BST1: variants seen among roughly 807,000 people sequenced by gnomAD.
BST1 encodes ADP-ribosyl cyclase/cyclic ADP-ribose hydrolase 2.
BST1 carries 49 observed loss-of-function variants against 40.6 expected under a neutral mutation model. The observed-to-expected ratio is 1.21, with a 90% confidence interval of 0.96 to 1.53. The LOEUF is 1.53. Among genes scored for constraint, BST1 ranks in the 40% most tolerant of loss-of-function variants. The pLI is 0.00. For synonymous variants in BST1, 157 were observed against 159.3 expected (o/e 0.99, Z 0.11); for missense variants, 423 against 395.9 (o/e 1.07, Z -0.58).
At chr4:15,766,730 G>A in the BST1 span, among the ~76,000 whole-genome samples, 6 of 142,748 alleles carry the variant, frequency 4.2e-5, no homozygotes, top group Non-Finnish European at 6.0e-5. Context: ...TCTTCTTTTC[G>A]TGATGGTATC....
chr4:15,746,307 T>C, the BST1 span, among the ~76,000 whole-genome samples: 14 of 152,174 alleles, frequency 9.2e-5, no homozygotes, highest in African/African-American at 2.7e-4. Context: ...TCTCTAAGGG[T>C]GGTTCCAAGC....
At chr4:15,736,719 A>T (rs1391358331), downstream of BST1, among the ~76,000 whole-genome samples, 1 of 152,192 alleles carries the variant, frequency 6.6e-6, no homozygotes, top group East Asian at 1.9e-4. Flanking sequence ...ACCTTCTCTC[A>T]GTTCCGTATT....
In BST1 at chr4:15,711,900, G is replaced by A. The variant is rs775892991; in HGVS notation, c.534+11G>A. On this transcript the variant is annotated intron_variant, in intron 4 of 8. Transcript: ENST00000265016. The stretch of plus-strand genomic sequence containing the variant: ...AGGGCATCCATCCAGGTAATGCTGG[G>A]ATGATATCTGAGTGGTTGAGCATGT... 6.2e-7 allele frequency: 1 copy of A among 1,608,284 alleles called. No individual in the cohort carries two copies. Among genetic ancestry groups the A allele is most frequent in the East Asian group, 2.2e-5 (1 of 44,854 alleles).
At chr4:15,738,108 A>C (rs1346886601) in exon 7 of BST1, 1 of 229,350 alleles carries the variant, frequency 4.4e-6, no homozygotes, top group Non-Finnish European at 9.0e-6. Flanking sequence ...GGTAAACTAC[A>C]GAGGCTGGGT....
At chr4:15,752,743 G>A in the BST1 span, among the ~76,000 whole-genome samples, 2 of 152,074 alleles carry the variant, frequency 1.3e-5, no homozygotes, top group Non-Finnish European at 2.9e-5. Context: ...TTGAGGAACG[G>A]CAAGGAGGCC....
At chr4:15,764,569 T>TG in the BST1 span, among the ~76,000 whole-genome samples, 1 of 152,006 alleles carries the variant, frequency 6.6e-6, no homozygotes, top group Non-Finnish European at 1.5e-5. Flanking sequence ...ATGGCTCATA[T>TG]ATAAACTTTG....
At chr4:15,708,644 C>T (rs1047073505) in intron 3 of BST1, among the ~76,000 whole-genome samples, 9 of 151,926 alleles carry the variant, frequency 5.9e-5, no homozygotes, top group African/African-American at 2.4e-5. Flanking sequence ...TTTGGGAGGC[C>T]GAGGTGGGTG....
In BST1 at chr4:15,707,566, G is replaced by T. The variant is rs777458820; in HGVS notation, c.371G>T (p.Arg124Leu). The T allele has an allele frequency of 2.5e-6, 4 of 1,612,776 alleles. No individual in the cohort carries two copies. The highest frequency in any genetic ancestry group is 2.2e-5 in the South Asian group (2 of 91,022). The change falls in exon 3 of 9, where the codon CGT becomes CTT. Residue 124 changes from arginine (R) to leucine (L), a missense_variant. Transcript: ENST00000265016. ...GTTAACAGCTTTGCAGACAACACCC[G>T]TCGTTTTATGCCCCTGAGCGATGTT... is the stretch of plus-strand genomic sequence containing the variant. ...LLVNSFADNT[R>L]RFMPLSDVLY...
the BST1 span, among the ~76,000 whole-genome samples, chr4:15,767,095 G>T: frequency 1.3e-5 from 2 of 150,964 alleles, no homozygotes; most frequent in African/African-American, 5.0e-5. Context: ...CAGAGCCGAA[G>T]CCTAAAAAGA....
chr4:15,722,960 G>A (rs373444765), intron 8 of BST1, 26 bp downstream of exon 8: 30 of 1,605,750 alleles, frequency 1.9e-5, no homozygotes, highest in East Asian at 6.7e-5. Context: ...AACCCAAATC[G>A]TTCTTTCCAA....
the BST1 span, among the ~76,000 whole-genome samples, chr4:15,758,241 C>A: frequency 6.6e-6 from 1 of 152,058 alleles, no homozygotes; most frequent in African/African-American, 2.4e-5. Flanking sequence ...GATCTTATCA[C>A]CCAGGTAGTG....
At chr4:15,759,906 T>C in the BST1 span, among the ~76,000 whole-genome samples, 53,069 of 151,768 alleles carry the variant, frequency 0.35, 9,696 homozygotes, top group South Asian at 0.41. Context: ...CCATAAACCC[T>C]ATGTGAGGAG....
chr4:15,726,001 A>C (rs1239399135), intron 8 of BST1, among the ~76,000 whole-genome samples: 1 of 115,452 alleles, frequency 8.7e-6, no homozygotes, highest in Non-Finnish European at 1.6e-5. Flanking sequence ...TCTCTCTGTC[A>C]CCCAGGCTGT....
the BST1 span, among the ~76,000 whole-genome samples, chr4:15,763,524 A>G: frequency 1.3e-5 from 2 of 151,896 alleles, no homozygotes; most frequent in Non-Finnish European, 2.9e-5. Flanking sequence ...TGTAGAGCTT[A>G]TTACTTTTTA....
chr4:15,749,441 A>G, the BST1 span, among the ~76,000 whole-genome samples: 1 of 152,102 alleles, frequency 6.6e-6, no homozygotes, highest in East Asian at 1.9e-4. Flanking sequence ...CTTTTCTAGG[A>G]TCCTTTCAAT....
intron 3 of BST1, among the ~76,000 whole-genome samples, chr4:15,708,697 G>A (rs1720027349): frequency 6.6e-6 from 1 of 152,092 alleles, no homozygotes; most frequent in Non-Finnish European, 1.5e-5. Context: ...TGGCCAACAT[G>A]AAGAAATCCA....
At chr4:15,705,406 C>T (rs1719824102) in intron 1 of BST1, 109 bp from the exon 2 acceptor site, 1 of 1,259,568 alleles carries the variant, frequency 7.9e-7, no homozygotes, top group South Asian at 1.5e-5. Flanking sequence ...CCTACTTCTG[C>T]AGTTACTATA....
chr4:15,768,660 A>AT, the BST1 span, among the ~76,000 whole-genome samples: 12 of 150,252 alleles, frequency 8.0e-5, no homozygotes, highest in South Asian at 2.1e-4. Context: ...CGCCCGGCTA[A>AT]TTTTTTTTTG....
chr4:15,751,840 A>G, the BST1 span, among the ~76,000 whole-genome samples: 1 of 152,216 alleles, frequency 6.6e-6, no homozygotes, highest in South Asian at 2.1e-4. Context: ...TAATATGCTT[A>G]TGTCTCAGTC....
Sources: gnomAD v4.1 joint callset for allele counts (sites outside exome capture counted in the v4.1 genomes callset) on GRCh38, gnomAD v4.1.1 for gene constraint, MANE v1.5 for transcripts, NCBI Gene and HGNC (gene_info 2026-07-23, HGNC 2026-07-21) for gene names.